The following CELF4 variants were observed in gnomAD, a reference collection of about 807,000 sequenced individuals.
The protein encoded by CELF4 is CUGBP Elav-like family member 4.
In CELF4, 18 loss-of-function variants were observed where a neutral mutation model predicts 59.9. The ratio of observed to expected loss-of-function variants is 0.30; its 90% CI spans 0.21 to 0.45. The LOEUF (loss-of-function observed/expected upper bound fraction) is 0.45, where lower values mean the gene tolerates loss of function less well. Ranked by LOEUF, CELF4 falls within the 20% of genes least tolerant of loss-of-function variation. CELF4 has a pLI of 1.00. For synonymous variants in CELF4, 261 were observed against 267.1 expected, an observed-to-expected ratio of 0.98 and a Z score of 0.22; for missense variants, 456 against 689.0, an observed-to-expected ratio of 0.66 and a Z score of 3.79.
At chr18:37,442,981 T>C (rs1158079672) in intron 2 of CELF4, among the ~76,000 whole-genome samples, 1 of 152,204 alleles carries the variant, frequency 6.6e-6, no homozygotes, top group Non-Finnish European at 1.5e-5. Context: ...CACTACCTTT[T>C]GCTTTCAAAA....
intron 2 of CELF4, among the ~76,000 whole-genome samples, chr18:37,405,256 C>T (rs981535257): frequency 4.0e-5 from 6 of 151,712 alleles, no homozygotes; most frequent in African/African-American, 1.5e-4. Context: ...AATTGGGCCT[C>T]CCTGTGTGGG....
At chr18:37,341,458 G>A (rs2098030022) in intron 2 of CELF4, among the ~76,000 whole-genome samples, 4 of 152,254 alleles carry the variant, frequency 2.6e-5, no homozygotes, top group African/African-American at 9.6e-5. Context: ...GAGGGTTAAA[G>A]GAGACTGGGG....
At chr18:37,338,382 G>A (rs574036557) in intron 2 of CELF4, among the ~76,000 whole-genome samples, 1 of 147,646 alleles carries the variant, frequency 6.8e-6, no homozygotes, top group South Asian at 2.1e-4. Flanking sequence ...CACTATGACT[G>A]TCACTGACAC....
chr18:37,352,272 A>C (rs1255351044), intron 2 of CELF4, among the ~76,000 whole-genome samples: 1 of 152,228 alleles, frequency 6.6e-6, no homozygotes, highest in Non-Finnish European at 1.5e-5. Flanking sequence ...GATGGCTGTC[A>C]GTTCATGCTG....
chr18:37,363,537 C>G (rs775220590), intron 2 of CELF4, among the ~76,000 whole-genome samples: 1 of 152,138 alleles, frequency 6.6e-6, no homozygotes, highest in Non-Finnish European at 1.5e-5. Flanking sequence ...AGGTGGCAGA[C>G]GTTACCAGAG....
At chr18:37,287,312 G>A (rs1256957797) in intron 3 of CELF4, among the ~76,000 whole-genome samples, 1 of 152,238 alleles carries the variant, frequency 6.6e-6, no homozygotes, top group Non-Finnish European at 1.5e-5. Flanking sequence ...CCACCTGCCT[G>A]CTGGGATAGA....
chr18:37,279,003 A>T (rs950160686), intron 3 of CELF4, among the ~76,000 whole-genome samples: 2 of 152,154 alleles, frequency 1.3e-5, no homozygotes, highest in African/African-American at 4.8e-5. Context: ...GTCTTGGAGA[A>T]TGACTCTGTT....
chr18:37,554,555 T>G (rs190395682), intron 1 of CELF4, among the ~76,000 whole-genome samples: 181 of 152,270 alleles, frequency 1.2e-3, no homozygotes, highest in Non-Finnish European at 2.3e-3. Flanking sequence ...AGCAGCCCCT[T>G]TCTTATTCAT....
At chr18:37,479,925 A>C (rs1385616513) in intron 2 of CELF4, among the ~76,000 whole-genome samples, 1 of 152,184 alleles carries the variant, frequency 6.6e-6, no homozygotes, top group Non-Finnish European at 1.5e-5. Context: ...TGTACATTGG[A>C]AAGATGATGC....
Position 37,441,708 on chromosome 18 carries a change from C to T in CELF4, c.369+43817G>A, listed in dbSNP as rs150304471. The stretch of plus-strand genomic sequence containing the variant: ...GGTGCATATTAAACAGAAGGGGACA[C>T]CTATCCACCCAGGGTTTCAGGAGTG... On this transcript the variant is annotated intron_variant, in intron 2 of 12. Coordinates refer to ENST00000420428, the MANE Select transcript of CELF4 (RefSeq NM_020180.4). 2.3e-3 allele frequency among the ~76,000 whole-genome samples: 347 copies of T among 152,154 alleles called. 1 individual carries two copies. The highest frequency in any genetic ancestry group is 7.6e-3 in the African/African-American group (315 of 41,508).
At chr18:37,332,373 T>C (rs2097574082) in intron 2 of CELF4, among the ~76,000 whole-genome samples, 1 of 152,154 alleles carries the variant, frequency 6.6e-6, no homozygotes, top group Non-Finnish European at 1.5e-5. Context: ...CCTACAAATA[T>C]GCCCGGGCAG....
chr18:37,474,920 G>A (rs776315792), intron 2 of CELF4, among the ~76,000 whole-genome samples: 3 of 152,190 alleles, frequency 2.0e-5, no homozygotes, highest in Admixed American at 1.3e-4. Flanking sequence ...CTTTGCCCAC[G>A]CATGCAGCAA....
In CELF4 at chr18:37,294,994, C is replaced by A. The variant is rs552237819; in HGVS notation, c.449-19751G>T. Among the ~76,000 whole-genome samples, 3 of 152,298 alleles carry A rather than the reference C, an allele frequency of 2.0e-5. No individual in the cohort carries two copies. In the South Asian group the frequency reaches 6.2e-4, roughly 32 times the overall value. On this transcript the variant is annotated intron_variant, in intron 3 of 12. Transcript: ENST00000420428. ...TCAAGTAGATAGAATTGATGGGTCTCGGGCAGGAAGACATGCAATGTGTTG... is the reference window on the plus strand; with the variant it reads ...TCAAGTAGATAGAATTGATGGGTCTAGGGCAGGAAGACATGCAATGTGTTG...
At chr18:37,302,041 T>C (rs772103624) in intron 3 of CELF4, among the ~76,000 whole-genome samples, 8 of 152,220 alleles carry the variant, frequency 5.3e-5, no homozygotes, top group South Asian at 2.1e-4. Context: ...TTGAACAGCA[T>C]GCAAACCACT....
chr18:37,344,167 T>A (rs893895094), intron 2 of CELF4, among the ~76,000 whole-genome samples: 1 of 152,246 alleles, frequency 6.6e-6, no homozygotes, highest in Non-Finnish European at 1.5e-5. Flanking sequence ...GGTTGAGTTC[T>A]GCAGGGTAGG....
intron 1 of CELF4, among the ~76,000 whole-genome samples, chr18:37,500,743 C>T (rs966297590): frequency 6.6e-6 from 1 of 152,008 alleles, no homozygotes; most frequent in Non-Finnish European, 1.5e-5. Context: ...ACTGTGTTAG[C>T]CAGGATGGTC....
rs567723371 is a variant in CELF4 at position 37,531,435 on chromosome 18, C to T, written c.286+33921G>A. On this transcript the variant is annotated intron_variant, in intron 1 of 12. Coordinates refer to ENST00000420428, the MANE Select transcript of CELF4 (RefSeq NM_020180.4). Reference sequence around the variant, plus strand: ...CACATGTCCCCTTGATGAGGCTGCACGGGGAAAACAAAAATAGCACCTCGC... The same window carrying T: ...CACATGTCCCCTTGATGAGGCTGCATGGGGAAAACAAAAATAGCACCTCGC... Among the ~76,000 whole-genome samples, 12 of 152,186 alleles carry T rather than the reference C, an allele frequency of 7.9e-5. No individual in the cohort carries two copies. In the South Asian group the frequency reaches 1.0e-3, roughly 13 times the overall value.
chr18:37,326,659 G>T (rs1256014856), intron 2 of CELF4, among the ~76,000 whole-genome samples: 1 of 152,156 alleles, frequency 6.6e-6, no homozygotes, highest in Admixed American at 6.6e-5. Context: ...CAGTCCTCCG[G>T]GGACATCACA....
chr18:37,391,742 C>T (rs2099164138), intron 2 of CELF4, among the ~76,000 whole-genome samples: 1 of 152,186 alleles, frequency 6.6e-6, no homozygotes, highest in Non-Finnish European at 1.5e-5. Context: ...TTCTGATTGT[C>T]AGAGAGGATG....
Sources: gnomAD v4.1 joint callset for allele counts (sites outside exome capture counted in the v4.1 genomes callset) on GRCh38, gnomAD v4.1.1 for gene constraint, MANE v1.5 for transcripts, NCBI Gene and HGNC (gene_info 2026-07-23, HGNC 2026-07-21) for gene names.